Variants in IMMP2L observed in about 807,000 individuals in gnomAD.
IMMP2L encodes the protein mitochondrial inner membrane protease subunit 2.
A neutral mutation model predicts 19.3 loss-of-function variants in IMMP2L; 18 were observed. The ratio of observed to expected loss-of-function variants is 0.93; its 90% confidence interval spans 0.64 to 1.38. The LOEUF is 1.38. IMMP2L is among the 40% of genes most tolerant of loss of function. The pLI is 0.00. For synonymous variants in IMMP2L, 76 were observed against 73.0 expected (o/e 1.04, Z -0.21); for missense variants, 233 against 218.2 (o/e 1.07, Z -0.43).
At chr7:110,824,546 T>C (rs1171627434) in intron 5 of IMMP2L, among the ~76,000 whole-genome samples, 1 of 152,092 alleles carries the variant, frequency 6.6e-6, no homozygotes, top group African/African-American at 2.4e-5. Flanking sequence ...TTTTTTAATT[T>C]TGGTAAAGAT....
At chr7:111,303,903 C>A (rs987842749) in intron 3 of IMMP2L, among the ~76,000 whole-genome samples, 4 of 151,958 alleles carry the variant, frequency 2.6e-5, no homozygotes, top group Admixed American at 6.6e-5. Flanking sequence ...AAACCACAAA[C>A]CTCCCAAACG....
intron 5 of IMMP2L, among the ~76,000 whole-genome samples, chr7:110,846,939 C>T (rs1805725838): frequency 6.6e-6 from 1 of 152,134 alleles, no homozygotes; most frequent in Non-Finnish European, 1.5e-5. Flanking sequence ...CCTACCATGG[C>T]TATTATTAGA....
At chr7:111,090,762 T>G (rs1796775110) in intron 3 of IMMP2L, among the ~76,000 whole-genome samples, 1 of 152,196 alleles carries the variant, frequency 6.6e-6, no homozygotes, top group Non-Finnish European at 1.5e-5. Context: ...AGTTGGAGGT[T>G]TGAGTCTCTA....
chr7:111,553,852 A>G (rs907524648), intron 1 of IMMP2L, among the ~76,000 whole-genome samples: 2 of 152,206 alleles, frequency 1.3e-5, no homozygotes, highest in African/African-American at 4.8e-5. Context: ...GAGAAGGTCA[A>G]GAGAACATTT....
At chr7:111,207,109 T>C (rs1406119986) in intron 3 of IMMP2L, among the ~76,000 whole-genome samples, 3 of 152,216 alleles carry the variant, frequency 2.0e-5, no homozygotes, top group African/African-American at 7.2e-5. Context: ...TTCCAGAGTC[T>C]CCATTTTAAA....
intron 2 of IMMP2L, among the ~76,000 whole-genome samples, chr7:111,488,565 T>C (rs1427135777): frequency 6.6e-6 from 1 of 152,204 alleles, no homozygotes; most frequent in African/African-American, 2.4e-5. Flanking sequence ...ATTTTCTTTA[T>C]CCACTCGTTG....
At chr7:110,825,178 A>G (rs1803363378) in intron 5 of IMMP2L, among the ~76,000 whole-genome samples, 1 of 152,182 alleles carries the variant, frequency 6.6e-6, no homozygotes, top group Non-Finnish European at 1.5e-5. Flanking sequence ...TGCTTAGCGA[A>G]ATAAAAGAGG....
intron 3 of IMMP2L, among the ~76,000 whole-genome samples, chr7:111,134,326 A>G (rs942049734): frequency 2.6e-5 from 4 of 151,966 alleles, no homozygotes; most frequent in Admixed American, 2.0e-4. Flanking sequence ...TATGTTTCCA[A>G]TTGGAACGTT....
chr7:111,382,766 C>A (rs955587753), intron 3 of IMMP2L, among the ~76,000 whole-genome samples: 1 of 152,014 alleles, frequency 6.6e-6, no homozygotes, highest in African/African-American at 2.4e-5. Flanking sequence ...AACACCTCTT[C>A]GTCCAGAAAT....
intron 2 of IMMP2L, among the ~76,000 whole-genome samples, chr7:111,497,942 T>C (rs1242367083): frequency 1.3e-5 from 2 of 151,810 alleles, no homozygotes; most frequent in Non-Finnish European, 2.9e-5. Context: ...AAAGGTGGTA[T>C]CAATTATTTA....
chr7:111,122,794 A>G, intron 3 of IMMP2L: 1 of 1,613,222 alleles, frequency 6.2e-7, no homozygotes, highest in South Asian at 1.1e-5. Flanking sequence ...GCCACTCCGA[A>G]TTCATGTGCT....
intron 4 of IMMP2L, among the ~76,000 whole-genome samples, chr7:110,887,299 T>C (rs1810320422): frequency 6.6e-6 from 1 of 152,114 alleles, no homozygotes; most frequent in Non-Finnish European, 1.5e-5. Flanking sequence ...TTAACAATTG[T>C]GAAGACTAAA....
intron 5 of IMMP2L, among the ~76,000 whole-genome samples, chr7:110,701,849 C>T (rs1794310787): frequency 6.6e-6 from 1 of 152,172 alleles, no homozygotes; most frequent in South Asian, 2.1e-4. Context: ...ACCAGATTTC[C>T]TATCCTATTA....
chr7:111,096,066 C>T (rs1586230726), intron 3 of IMMP2L, among the ~76,000 whole-genome samples: 1 of 151,924 alleles, frequency 6.6e-6, no homozygotes, highest in East Asian at 1.9e-4. Context: ...AATTAATTGA[C>T]TCAACTTGTA....
intron 3 of IMMP2L, among the ~76,000 whole-genome samples, chr7:111,484,259 T>C (rs902513650): frequency 2.0e-5 from 3 of 152,200 alleles, no homozygotes; most frequent in African/African-American, 7.2e-5. Context: ...TGTTATTGTT[T>C]TCATCAGTGC....
intron 4 of IMMP2L, among the ~76,000 whole-genome samples, chr7:110,906,818 A>T (rs1315103365): frequency 6.6e-6 from 1 of 152,182 alleles, no homozygotes; most frequent in East Asian, 1.9e-4. Context: ...TAAACACTCA[A>T]TTAATGTCAG....
chr7:110,926,718 G>A (rs1306771418), intron 4 of IMMP2L, among the ~76,000 whole-genome samples: 1 of 152,064 alleles, frequency 6.6e-6, no homozygotes, highest in African/African-American at 2.4e-5. Flanking sequence ...CCTGAAACAT[G>A]CTTTGGTGCT....
chr7:111,358,028 T>C (rs1325611611), intron 3 of IMMP2L, among the ~76,000 whole-genome samples: 2 of 151,800 alleles, frequency 1.3e-5, no homozygotes, highest in African/African-American at 4.8e-5. Flanking sequence ...TATCTCAGAG[T>C]AGAAACCCAA....
chr7:110,683,159 T>C (rs1375975236), intron 5 of IMMP2L, among the ~76,000 whole-genome samples: 1 of 152,124 alleles, frequency 6.6e-6, no homozygotes, highest in Non-Finnish European at 1.5e-5. Flanking sequence ...AGATAATACC[T>C]CTTAAAATCC....
Sources: allele counts gnomAD v4.1 joint callset (sites outside exome capture counted in the v4.1 genomes callset), GRCh38; gene constraint gnomAD v4.1.1; transcripts MANE v1.5; gene names NCBI Gene and HGNC (gene_info 2026-07-23, HGNC 2026-07-21).